UPP2: variants seen among roughly 807,000 people sequenced by gnomAD.
UPP2 encodes the protein uridine phosphorylase 2, also known as UPase 2.
A neutral mutation model predicts 26.7 loss-of-function variants in UPP2; 23 were observed. The ratio of observed to expected loss-of-function variants is 0.86; its 90% CI spans 0.62 to 1.22. The LOEUF is 1.22. UPP2 is among the 50% of genes most tolerant of loss of function. The pLI is 0.00. For synonymous variants in UPP2, 127 were observed against 141.3 expected, an observed-to-expected ratio of 0.90 and a Z score of 0.72; for missense variants, 387 against 396.7, an observed-to-expected ratio of 0.98 and a Z score of 0.21.
intron 3 of UPP2, among the ~76,000 whole-genome samples, chr2:158,086,682 G>A (rs1021541258): frequency 2.8e-4 from 43 of 151,936 alleles, no homozygotes; most frequent in African/African-American, 9.9e-4. Flanking sequence ...GGTTTTGATA[G>A]GTTGTGTCAC....
chr2:158,010,095 G>T (rs1409005083), intron 2 of UPP2, among the ~76,000 whole-genome samples: 1 of 152,184 alleles, frequency 6.6e-6, no homozygotes, highest in Non-Finnish European at 1.5e-5. Context: ...GGACATAGAA[G>T]TCTGTAAATA....
intron 2 of UPP2, among the ~76,000 whole-genome samples, chr2:158,014,755 C>T (rs568053646): frequency 6.6e-6 from 1 of 152,236 alleles, no homozygotes; most frequent in Admixed American, 6.5e-5. Context: ...GAGATCATGC[C>T]AACTTCCACC....
chr2:158,008,755 T>C (rs1683531528), intron 2 of UPP2, among the ~76,000 whole-genome samples: 1 of 152,246 alleles, frequency 6.6e-6, no homozygotes, highest in Non-Finnish European at 1.5e-5. Context: ...CCAATCTTTA[T>C]GGCGAAATTT....
chr2:158,001,871 C>T (rs566444764), intron 2 of UPP2, among the ~76,000 whole-genome samples: 2 of 136,496 alleles, frequency 1.5e-5, no homozygotes, highest in East Asian at 4.7e-4. Flanking sequence ...AGGTTTTGTT[C>T]TTTAGTTGTA....
At chr2:158,122,499 G>A (rs1292838137) in intron 5 of UPP2, among the ~76,000 whole-genome samples, 1 of 152,034 alleles carries the variant, frequency 6.6e-6, no homozygotes, top group Non-Finnish European at 1.5e-5. Flanking sequence ...GGGACCCTCT[G>A]TTCAAGGCCA....
At chr2:158,023,490 G>C (rs1216435065) in intron 3 of UPP2, among the ~76,000 whole-genome samples, 35 of 152,188 alleles carry the variant, frequency 2.3e-4, no homozygotes, top group Admixed American at 2.2e-3. Flanking sequence ...TTGGAAAGAA[G>C]CTAAGTGATG....
chr2:158,000,522 C>G (rs1367661562), intron 2 of UPP2, among the ~76,000 whole-genome samples: 1 of 152,234 alleles, frequency 6.6e-6, no homozygotes, highest in Admixed American at 6.5e-5. Flanking sequence ...CCTTTTCTCT[C>G]TCTCCTGTTC....
intron 3 of UPP2, among the ~76,000 whole-genome samples, chr2:158,016,398 T>A (rs1683660147): frequency 6.6e-6 from 1 of 152,008 alleles, no homozygotes; most frequent in Non-Finnish European, 1.5e-5. Context: ...TGGAGTGCAA[T>A]GGTGCTATCT....
chr2:157,995,787 A>G (rs1683315799), intron 2 of UPP2, among the ~76,000 whole-genome samples: 1 of 152,082 alleles, frequency 6.6e-6, no homozygotes, highest in Non-Finnish European at 1.5e-5. Context: ...ATTTTTTCCT[A>G]CTTATACTGA....
intron 3 of UPP2, among the ~76,000 whole-genome samples, chr2:158,093,589 T>G (rs983804496): frequency 1.2e-4 from 19 of 152,186 alleles, no homozygotes; most frequent in African/African-American, 4.3e-4. Context: ...AGAAGAAAGC[T>G]GAAAGACTGC....
intron 3 of UPP2, among the ~76,000 whole-genome samples, chr2:158,080,420 T>A (rs1198454207): frequency 6.6e-6 from 1 of 152,156 alleles, no homozygotes; most frequent in South Asian, 2.1e-4. Context: ...TCTACCATTT[T>A]GAAACAAAAC....
intron 6 of UPP2, among the ~76,000 whole-genome samples, chr2:158,134,536 C>T (rs1683891700): frequency 6.6e-6 from 1 of 152,184 alleles, no homozygotes; most frequent in Non-Finnish European, 1.5e-5. Context: ...GTGTTCACAA[C>T]AATTTTAGTT....
At chr2:158,132,871 T>C (rs1249994912) in intron 6 of UPP2, among the ~76,000 whole-genome samples, 1 of 152,052 alleles carries the variant, frequency 6.6e-6, no homozygotes, top group Non-Finnish European at 1.5e-5. Flanking sequence ...AGACGAAAGA[T>C]AAAAAGTGTT....
At chr2:158,015,462 A>G (rs1683643250) in intron 2 of UPP2, among the ~76,000 whole-genome samples, 1 of 152,178 alleles carries the variant, frequency 6.6e-6, no homozygotes. Flanking sequence ...TGTATATGCC[A>G]CATTTTGTTT....
chr2:158,126,947 C>T (rs1683706530), intron 6 of UPP2, among the ~76,000 whole-genome samples: 1 of 152,102 alleles, frequency 6.6e-6, no homozygotes, highest in African/African-American at 2.4e-5. Flanking sequence ...GACTGGATAA[C>T]CAATCAGAAT....
chr2:158,007,219 G>A (rs554841708), intron 2 of UPP2, among the ~76,000 whole-genome samples: 1 of 152,302 alleles, frequency 6.6e-6, no homozygotes, highest in Middle Eastern at 3.4e-3. Context: ...CTGCGAGGCG[G>A]TGCTATCATT....
intron 2 of UPP2, among the ~76,000 whole-genome samples, chr2:158,015,051 A>T (rs1318591284): frequency 1.3e-5 from 2 of 152,248 alleles, no homozygotes; most frequent in African/African-American, 4.8e-5. Flanking sequence ...CATTATGATC[A>T]TTAGAGAAAC....
intron 6 of UPP2, among the ~76,000 whole-genome samples, chr2:158,130,785 TG>T (rs1683802051): frequency 6.6e-6 from 1 of 152,184 alleles, no homozygotes; most frequent in East Asian, 1.9e-4. Context: ...ATAATTTAAC[TG>T]GGAAGATGTT....
chr2:158,098,982 T>C (rs1373241869), upstream of UPP2, among the ~76,000 whole-genome samples: 3 of 152,224 alleles, frequency 2.0e-5, no homozygotes, highest in African/African-American at 4.8e-5. Context: ...CTATAACCTA[T>C]GTATTGGAAA....
Sources: gnomAD v4.1 joint callset for allele counts (sites outside exome capture counted in the v4.1 genomes callset) on GRCh38, gnomAD v4.1.1 for gene constraint, MANE v1.5 for transcripts, NCBI Gene and HGNC (gene_info 2026-07-23, HGNC 2026-07-21) for gene names.